Variants in ZNF223 observed in about 807,000 individuals in gnomAD.
The protein encoded by ZNF223 is Homo sapiens zinc finger protein 223.
Under a neutral mutation model 12.3 loss-of-function variants are expected in ZNF223, and 9 were observed. The ratio of observed to expected loss-of-function variants is 0.73; its 90% confidence interval spans 0.44 to 1.28. The LOEUF (loss-of-function observed/expected upper bound fraction) is 1.28. ZNF223 is among the 50% of genes most tolerant of loss of function. The probability of loss-of-function intolerance (pLI) is 0.00; values close to 1 mark genes in which losing one functional copy is unlikely to be tolerated. For missense variants in ZNF223, 506 were observed against 579.0 expected (o/e 0.87, Z 1.29); for synonymous variants, 171 against 195.2 (o/e 0.88, Z 1.03).
At position 44,066,892 on chromosome 19, in the gene ZNF223, G is replaced by C. The variant is rs773508097; in HGVS notation, c.1064G>C (p.Arg355Pro). 6.2e-6 allele frequency: 10 copies of C among 1,613,818 alleles called. No individual in the cohort carries two copies. The highest frequency in any genetic ancestry group is 1.7e-5 in the Admixed American group (1 of 59,986). ...AAAGAATGTGGGAAGAGCTTCAGACGGTCCTCCTATCTTTTGATCCATCAG... is the reference window on the plus strand; with the variant it reads ...AAAGAATGTGGGAAGAGCTTCAGACCGTCCTCCTATCTTTTGATCCATCAG... ...NCKECGKSFRRSSYLLIHQRV... is the reference protein window; with the variant it reads ...NCKECGKSFRPSSYLLIHQRV... The change falls in exon 5 of 5, where the codon CGG (arginine) becomes CCG (proline). Residue 355 changes from arginine to proline, a missense_variant. Coordinates refer to ENST00000434772, the MANE Select transcript of ZNF223 (RefSeq NM_013361.6).
intron 4 of ZNF223, among the ~76,000 whole-genome samples, chr19:44,065,767 G>A (rs140650114): frequency 0.011 from 1,626 of 151,630 alleles, 18 homozygotes; most frequent in Non-Finnish European, 0.016. Flanking sequence ...TAATAGAGAC[G>A]GGGTTTCACT....
chr19:44,062,198 G>C (rs1278673310), intron 4 of ZNF223, among the ~76,000 whole-genome samples: 2 of 152,126 alleles, frequency 1.3e-5, no homozygotes, highest in African/African-American at 4.8e-5. Context: ...TAGTCCCTTG[G>C]AAGCCATAGG....
chr19:44,066,015 C>T (rs1441848893), intron 4 of ZNF223, 49 bp from the exon 5 acceptor site: 10 of 1,524,034 alleles, frequency 6.6e-6, no homozygotes, highest in Non-Finnish European at 8.8e-6. Context: ...CTTAAAAACA[C>T]TGAACAGGGC....
At position 44,066,581 on chromosome 19, in the gene ZNF223, C is replaced by T. The variant is rs1223735085; in HGVS notation, c.753C>T (p.Cys251=). ...GTAGATCAGCACTTACAGTTCATTG[C>T]AAATTACACATGGGAGAGAAACATT... The part of the protein sequence containing the change: ...FRCRSALTVH[C]KLHMGEKHYN... The change falls in exon 5 of 5, where the codon TGC becomes TGT. Residue 251 remains cysteine, a synonymous_variant. Transcript: ENST00000434772. The T allele has an allele frequency of 1.2e-6, 2 of 1,614,096 alleles. No homozygotes were observed. Among genetic ancestry groups the T allele is most frequent in the Non-Finnish European group, 1.7e-6 (2 of 1,180,008 alleles).
chr19:44,056,746 A>G (rs551905304), intron 2 of ZNF223, among the ~76,000 whole-genome samples: 1 of 151,324 alleles, frequency 6.6e-6, no homozygotes, highest in Admixed American at 6.6e-5. Context: ...GGCGCCCGCC[A>G]CCACACACCC....
Position 44,067,021 on chromosome 19 carries a change from G to A in ZNF223, c.1193G>A (p.Arg398Lys), listed in dbSNP as rs778444846. Residue 398 changes from arginine (R) to lysine (K), a missense_variant, in exon 5 of 5, where the codon AGA becomes AAA. By Grantham distance (26) the Arg-to-Lys change is conservative. Coordinates refer to ENST00000434772, the MANE Select transcript of ZNF223 (RefSeq NM_013361.6). ...CACCATAGAGCCCACACAGGAGAGAGACCTTATAACTGTGATGACTGTGGG... is the reference window on the plus strand; with the variant it reads ...CACCATAGAGCCCACACAGGAGAGAAACCTTATAACTGTGATGACTGTGGG... ...DLHHRAHTGERPYNCDDCGKS... is the reference protein window; with the variant it reads ...DLHHRAHTGEKPYNCDDCGKS... The A allele has an allele frequency of 6.2e-7, 1 of 1,613,042 alleles. No individual in the cohort carries two copies. The highest frequency in any genetic ancestry group is 1.1e-5 in the South Asian group (1 of 91,030).
At chr19:44,060,205 A>G (rs1197337919) in intron 2 of ZNF223, among the ~76,000 whole-genome samples, 1 of 152,180 alleles carries the variant, frequency 6.6e-6, no homozygotes, top group African/African-American at 2.4e-5. Context: ...GCTACATACA[A>G]GTAAACTCAA....
chr19:44,056,770 G>T (rs916077711), intron 2 of ZNF223, among the ~76,000 whole-genome samples: 14 of 150,752 alleles, frequency 9.3e-5, no homozygotes, highest in African/African-American at 3.4e-4. Flanking sequence ...TAATTTTTTT[G>T]TGTGTTTTTA....
In ZNF223 at chr19:44,066,488, A is replaced by T. The variant is rs146932563; in HGVS notation, c.660A>T (p.Gln220His). 25 of 1,614,118 alleles carry T rather than the reference A, an allele frequency of 1.5e-5. No homozygotes were observed. The African/African-American group carries it at 3.2e-4, about 21-fold the overall frequency. ...AATTCAGTCAGAGTTTACATCTGCA[A>T]ACTCATCAGAGAGTCCATACTGGAG... ...GKEFSQSLHL[Q>H]THQRVHTGEK... The change falls in exon 5 of 5, where the codon CAA becomes CAT. Residue 220 changes from glutamine (Q) to histidine (H), a missense_variant. Transcript: ENST00000434772.
chr19:44,067,248 AT>A lies in ZNF223; in HGVS notation c.1424del (p.Leu475TyrfsTer5). The stretch of plus-strand genomic sequence containing the variant: ...CAAGAGGCGCTTGAATCTTGATATA[AT>A]TTTATCATTATTTTTAAATGACACG... ...RYKRRLNLDIILSLFLNDT is the reference protein window; with the variant it reads ...RYKRRLNLDIXLSLFLNDT On this transcript the variant is annotated frameshift_variant, in exon 5 of 5. Transcript: ENST00000434772. LOFTEE classifies it high-confidence loss of function. The A allele has an allele frequency of 6.2e-7, 1 of 1,608,080 alleles. No individual in the cohort carries two copies.
Position 44,053,726 on chromosome 19 carries a change from A to G in ZNF223, c.-68-1383A>G, listed in dbSNP as rs140976653. 2.1e-3 allele frequency among the ~76,000 whole-genome samples: 312 copies of G among 152,044 alleles called. 1 individual carries two copies. The highest frequency in any genetic ancestry group is 3.8e-3 in the Non-Finnish European group (256 of 67,940). On this transcript the variant is annotated intron_variant, in intron 1 of 4. Coordinates refer to ENST00000434772, the MANE Select transcript of ZNF223 (RefSeq NM_013361.6). The stretch of plus-strand genomic sequence containing the variant: ...CAGGTCTTTCCCTTCCCACGAGGCC[A>G]TCTCTCAGGCTGTCTCAGTGGGTGG...
At chr19:44,057,794 CAG>C (rs1327021721) in intron 2 of ZNF223, among the ~76,000 whole-genome samples, 1 of 152,214 alleles carries the variant, frequency 6.6e-6, no homozygotes, top group Non-Finnish European at 1.5e-5. Flanking sequence ...ATAACTGTCT[CAG>C]GGTACCATGG....
At chr19:44,064,899 A>T (rs544809287) in intron 4 of ZNF223, among the ~76,000 whole-genome samples, 1 of 152,064 alleles carries the variant, frequency 6.6e-6, no homozygotes, top group African/African-American at 2.4e-5. Context: ...AATCAGGGAA[A>T]CTCAACTGAG....
rs563471818 is a variant in ZNF223 at position 44,066,918 on chromosome 19, C to A, written c.1090C>A (p.Arg364=). The A allele has an allele frequency of 1.9e-6, 3 of 1,613,900 alleles. No homozygotes were observed. The Middle Eastern group carries it at 5.0e-4, about 266-fold the overall frequency. ...GTCCTCCTATCTTTTGATCCATCAG[C>A]GAGTCCACACTGGAGAAAAGCCATA... is the stretch of plus-strand genomic sequence containing the variant. ...RRSSYLLIHQ[R]VHTGEKPYKC... The change falls in exon 5 of 5, where the codon CGA becomes AGA. Residue 364 remains arginine, a synonymous_variant. Transcript: ENST00000434772.
intron 4 of ZNF223, chr19:44,063,205 T>C (rs1290392663): frequency 6.6e-6 from 1 of 152,226 alleles, no homozygotes; most frequent in Admixed American, 6.5e-5. Context: ...CTTGACCATC[T>C]TTGCGGGCAG....
At chr19:44,057,943 A>G (rs6509135) in intron 2 of ZNF223, among the ~76,000 whole-genome samples, 131,422 of 152,206 alleles carry the variant, frequency 0.86, 57,220 homozygotes, top group African/African-American at 0.93. Context: ...AGGGTCCAGT[A>G]TGAGCTGGCC....
chr19:44,066,676 C>A lies in ZNF223; in HGVS notation c.848C>A (p.Thr283Lys). The A allele has an allele frequency of 6.2e-7, 1 of 1,614,178 alleles. No homozygotes were observed. The highest frequency in any genetic ancestry group is 8.5e-7 in the Non-Finnish European group (1 of 1,180,028). Residue 283 changes from threonine (T) to lysine (K), a missense_variant, in exon 5 of 5, where the codon ACA (threonine) becomes AAA (lysine). Transcript: ENST00000434772. Reference sequence around the variant, plus strand: ...CTTCAGAAACATCAGAGAATTCACACAGGGGAGAAGCCATTCAAATGTGAG... The same window carrying A: ...CTTCAGAAACATCAGAGAATTCACAAAGGGGAGAAGCCATTCAAATGTGAG... The part of the protein sequence containing the change: ...FQLQKHQRIH[T>K]GEKPFKCEIC...
chr19:44,062,239 G>A (rs1216035007), intron 4 of ZNF223, among the ~76,000 whole-genome samples: 3 of 152,188 alleles, frequency 2.0e-5, no homozygotes, highest in South Asian at 2.1e-4. Flanking sequence ...CATGGATACC[G>A]AAAGCCAGAG....
intron 2 of ZNF223, among the ~76,000 whole-genome samples, chr19:44,059,475 G>T (rs569197586): frequency 1.3e-5 from 2 of 152,288 alleles, no homozygotes; most frequent in East Asian, 1.9e-4. Flanking sequence ...GGATGAGAGG[G>T]TCACTGTGGT....
Sources: gnomAD v4.1 joint callset for allele counts (sites outside exome capture counted in the v4.1 genomes callset) on GRCh38, gnomAD v4.1.1 for gene constraint, MANE v1.5 for transcripts, NCBI Gene and HGNC (gene_info 2026-07-23, HGNC 2026-07-21) for gene names.